Variants in UBR3 observed in about 807,000 individuals in gnomAD.
UBR3 encodes the protein ubiquitin protein ligase E3 component n-recognin 3.
A neutral mutation model predicts 243.2 loss-of-function variants in UBR3; 85 were observed. The observed-to-expected ratio is 0.35, with a 90% CI of 0.29 to 0.42. The LOEUF is 0.42. Ranked by LOEUF, UBR3 falls within the 10% of genes least tolerant of loss-of-function variation. UBR3 has a pLI of 1.00. For missense variants in UBR3, 1,686 were observed against 2,300.8 expected (o/e 0.73, Z 5.47); for synonymous variants, 748 against 799.8 (o/e 0.94, Z 1.09).
intron 11 of UBR3, among the ~76,000 whole-genome samples, chr2:169,915,318 C>T (rs2085419568): frequency 6.6e-6 from 1 of 152,154 alleles, no homozygotes; most frequent in Non-Finnish European, 1.5e-5. Context: ...ACTGCAACCT[C>T]TGCCTCCCAG....
intron 9 of UBR3, 63 bp downstream of exon 9, chr2:169,905,356 A>T (rs1226003090): frequency 7.9e-7 from 1 of 1,258,944 alleles, no homozygotes; most frequent in East Asian, 2.7e-5. Flanking sequence ...AAATTATTAA[A>T]TATCAATTAA....
chr2:169,918,722 A>G (rs557705070), intron 11 of UBR3, among the ~76,000 whole-genome samples: 72 of 152,328 alleles, frequency 4.7e-4, no homozygotes, highest in African/African-American at 1.6e-3. Flanking sequence ...AGAGTTCTTA[A>G]AAACATGAAT....
At chr2:170,034,899 A>G (rs2090783341) in intron 31 of UBR3, among the ~76,000 whole-genome samples, 1 of 150,798 alleles carries the variant, frequency 6.6e-6, no homozygotes, top group Non-Finnish European at 1.5e-5. Flanking sequence ...CATTGTTTTA[A>G]TTTGCATTTC....
chr2:169,828,076 C>A (rs1014826631), intron 1 of UBR3, 24 bp downstream of exon 1: 16 of 1,348,856 alleles, frequency 1.2e-5, no homozygotes, highest in Non-Finnish European at 1.5e-5. Flanking sequence ...TCCCCGCGGG[C>A]GAGGCGACCC....
At chr2:169,894,861 A>G (rs2084521870) in intron 6 of UBR3, among the ~76,000 whole-genome samples, 4 of 152,212 alleles carry the variant, frequency 2.6e-5, no homozygotes, top group Non-Finnish European at 5.9e-5. Context: ...CCAGTACATC[A>G]TAGTTGACAC....
intron 5 of UBR3, among the ~76,000 whole-genome samples, chr2:169,885,570 CCT>C (rs2084059595): frequency 6.6e-6 from 1 of 151,478 alleles, no homozygotes; most frequent in African/African-American, 2.4e-5. Context: ...AGAAGGAGAC[CCT>C]GTCTCAAAAC....
intron 32 of UBR3, among the ~76,000 whole-genome samples, chr2:170,054,525 G>A (rs528950602): frequency 1.3e-5 from 2 of 151,782 alleles, no homozygotes; most frequent in South Asian, 2.1e-4. Flanking sequence ...CTTGTGATCC[G>A]CCCACCTCAG....
At chr2:169,844,198 G>T (rs1167708320) in intron 1 of UBR3, among the ~76,000 whole-genome samples, 1 of 151,796 alleles carries the variant, frequency 6.6e-6, no homozygotes, top group East Asian at 1.9e-4. Flanking sequence ...GTAGAGATAG[G>T]GTTTCACCAT....
intron 24 of UBR3, among the ~76,000 whole-genome samples, chr2:169,978,251 G>A (rs2088555654): frequency 1.3e-5 from 2 of 152,188 alleles, no homozygotes; most frequent in South Asian, 4.1e-4. Flanking sequence ...TGGACTGTGA[G>A]TACCAGTAGC....
chr2:169,970,385 C>T (rs1574310738), intron 24 of UBR3, among the ~76,000 whole-genome samples: 1 of 22 alleles, frequency 0.045, no homozygotes, highest in Non-Finnish European at 0.083. Context: ...AGGTTAGTTA[C>T]ATATGTATAC....
intron 19 of UBR3, among the ~76,000 whole-genome samples, chr2:169,936,517 T>TTTATTA (rs74513911): frequency 5.3e-5 from 8 of 151,148 alleles, no homozygotes; most frequent in Non-Finnish European, 1.2e-4. Flanking sequence ...GCGTTTTCTT[T>TTTATTA]TTATTATTAT....
At chr2:169,990,983 A>G (rs1195828487) in intron 25 of UBR3, among the ~76,000 whole-genome samples, 1 of 152,186 alleles carries the variant, frequency 6.6e-6, no homozygotes, top group Non-Finnish European at 1.5e-5. Context: ...TTCACTTTAG[A>G]TCCAGAGACA....
At chr2:170,029,223 G>T in intron 30 of UBR3, 123 bp from the exon 31 acceptor site, 1 of 702,602 alleles carries the variant, frequency 1.4e-6, no homozygotes, top group Non-Finnish European at 2.3e-6. Context: ...ACTTAAACTT[G>T]GTGAATTTTA....
intron 1 of UBR3, among the ~76,000 whole-genome samples, chr2:169,852,883 A>AAAAAAAAC (rs1491293579): frequency 3.3e-5 from 2 of 59,728 alleles, no homozygotes; most frequent in Non-Finnish European, 1.1e-4. Flanking sequence ...AAAAAACAAA[A>AAAAAAAAC]CCAAACAAAT....
chr2:169,867,622 C>A (rs970028075), intron 1 of UBR3, among the ~76,000 whole-genome samples: 4 of 152,196 alleles, frequency 2.6e-5, no homozygotes, highest in Non-Finnish European at 4.4e-5. Flanking sequence ...CTGTTTTACA[C>A]TTCCATGTAT....
intron 20 of UBR3, among the ~76,000 whole-genome samples, chr2:169,945,353 G>A (rs777095039): frequency 3.3e-5 from 5 of 152,066 alleles, no homozygotes; most frequent in Non-Finnish European, 5.9e-5. Context: ...GAATATAGAA[G>A]CCCTCTGAAT....
Position 169,983,897 on chromosome 2 carries a change from T to C in UBR3, c.3635-2748T>C, listed in dbSNP as rs1328781526. ...GTTCTAAAAGGGCAAATGTGAATTT[T>C]ATACAGAAACCCTTTGAATTTGAAT... On this transcript the variant is annotated intron_variant, in intron 24 of 38. Coordinates refer to ENST00000272793, the MANE Select transcript of UBR3 (RefSeq NM_172070.4). 2.6e-5 allele frequency among the ~76,000 whole-genome samples: 4 copies of C among 152,352 alleles called. No individual in the cohort carries two copies. The East Asian group carries it at 7.7e-4, about 29-fold the overall frequency.
chr2:169,964,793 G>A, intron 24 of UBR3: 1 of 450,814 alleles, frequency 2.2e-6, no homozygotes, highest in Non-Finnish European at 4.5e-6. Flanking sequence ...TTGACTCCAT[G>A]TCCTAATTTT....
At chr2:170,031,409 A>G (rs2090665198) in intron 31 of UBR3, among the ~76,000 whole-genome samples, 1 of 151,956 alleles carries the variant, frequency 6.6e-6, no homozygotes, top group South Asian at 2.1e-4. Context: ...TTTATTCTGA[A>G]TTTTGAGTCA....
Sources: gnomAD v4.1 joint callset for allele counts (sites outside exome capture counted in the v4.1 genomes callset) on GRCh38, gnomAD v4.1.1 for gene constraint, MANE v1.5 for transcripts, NCBI Gene and HGNC (gene_info 2026-07-23, HGNC 2026-07-21) for gene names.